Variants in SLC2A9 observed in about 807,000 individuals in gnomAD.
SLC2A9 encodes solute carrier family 2, facilitated glucose transporter member 9.
Under a neutral mutation model 50.6 loss-of-function variants are expected in SLC2A9, and 39 were observed. The observed-to-expected ratio is 0.77, with a 90% CI of 0.60 to 1.01. The LOEUF (loss-of-function observed/expected upper bound fraction) is 1.01, where lower values mean the gene tolerates loss of function less well. SLC2A9 is among the 50% of genes least tolerant of loss of function. The pLI is 0.00. For synonymous variants in SLC2A9, 324 were observed against 276.9 expected (o/e 1.17, Z -1.69); for missense variants, 686 against 677.6 (o/e 1.01, Z -0.14).
intron 8 of SLC2A9, among the ~76,000 whole-genome samples, chr4:9,892,654 C>A (rs191071035): frequency 4.0e-4 from 61 of 152,222 alleles, no homozygotes; most frequent in African/African-American, 1.2e-3. Flanking sequence ...TGAGATAAAG[C>A]GAAAGAACTC....
chr4:9,988,811 C>T (rs1275214392), intron 3 of SLC2A9, among the ~76,000 whole-genome samples: 3 of 152,170 alleles, frequency 2.0e-5, no homozygotes, highest in Non-Finnish European at 4.4e-5. Flanking sequence ...GGGCATGTCC[C>T]TTCAGAAGTG....
rs543245246 is a variant in SLC2A9 at position 9,931,575 on chromosome 4, G to A, written c.814+10338C>T. On this transcript the variant is annotated intron_variant, in intron 6 of 11. Coordinates refer to ENST00000264784, the MANE Select transcript of SLC2A9 (RefSeq NM_020041.3). ...GTGTTTCAGTCCACAGCTTCAGGGA[G>A]GTGAGGAAATGTGCCAGTGTTCGCC... is the stretch of plus-strand genomic sequence containing the variant. 2.6e-5 allele frequency among the ~76,000 whole-genome samples: 4 copies of A among 152,294 alleles called. No individual in the cohort carries two copies. The East Asian group carries it at 7.7e-4, about 29-fold the overall frequency.
At chr4:9,993,883 C>T (rs932417373) in intron 3 of SLC2A9, among the ~76,000 whole-genome samples, 1 of 152,224 alleles carries the variant, frequency 6.6e-6, no homozygotes, top group South Asian at 2.1e-4. Flanking sequence ...TCCTTTGTCA[C>T]CGAAATCACA....
chr4:9,989,883 G>A (rs1280931863), intron 3 of SLC2A9, among the ~76,000 whole-genome samples: 1 of 151,850 alleles, frequency 6.6e-6, no homozygotes, highest in Non-Finnish European at 1.5e-5. Context: ...TCCTCTGCTT[G>A]GAGAGCTATT....
chr4:9,998,222 T>TA (rs2109305531), intron 2 of SLC2A9, among the ~76,000 whole-genome samples: 1 of 152,304 alleles, frequency 6.6e-6, no homozygotes, highest in East Asian at 1.9e-4. Flanking sequence ...CCAAGGTACT[T>TA]AGAGTTCCCT....
At chr4:9,783,215 T>C (rs1342730036) in intron 3 of SLC2A9, 1 of 1,614,198 alleles carries the variant, frequency 6.2e-7, no homozygotes, top group South Asian at 1.1e-5. Flanking sequence ...GCTCATCTCC[T>C]ACAACCAAGA....
intron 8 of SLC2A9, among the ~76,000 whole-genome samples, chr4:9,894,841 T>A (rs548847937): frequency 6.6e-6 from 1 of 152,304 alleles, no homozygotes; most frequent in East Asian, 1.9e-4. Context: ...TGGAAGAGCA[T>A]CACAGTTGCT....
intron 10 of SLC2A9, among the ~76,000 whole-genome samples, chr4:9,862,085 T>G (rs950775880): frequency 6.6e-6 from 1 of 150,510 alleles, no homozygotes; most frequent in South Asian, 2.1e-4. Context: ...TAAAAAGAAG[T>G]AGATGCAGGA....
chr4:9,928,077 G>A (rs891982270), intron 6 of SLC2A9, among the ~76,000 whole-genome samples: 1 of 152,074 alleles, frequency 6.6e-6, no homozygotes, highest in African/African-American at 2.4e-5. Flanking sequence ...AGGAGTTCGA[G>A]GCCAGCCTCA....
chr4:9,896,891 G>C (rs953998359), intron 8 of SLC2A9, among the ~76,000 whole-genome samples: 2 of 152,156 alleles, frequency 1.3e-5, no homozygotes, highest in African/African-American at 2.4e-5. Context: ...CTGTTCCATT[G>C]ATCTGTGGGG....
At chr4:9,856,928 A>G (rs974009969) in intron 10 of SLC2A9, among the ~76,000 whole-genome samples, 9 of 152,186 alleles carry the variant, frequency 5.9e-5, no homozygotes, top group African/African-American at 2.2e-4. Context: ...ACACATGGAC[A>G]CAAGGGAACA....
intron 3 of SLC2A9, among the ~76,000 whole-genome samples, chr4:9,992,094 T>C (rs949419629): frequency 6.6e-6 from 1 of 152,218 alleles, no homozygotes; most frequent in Non-Finnish European, 1.5e-5. Flanking sequence ...GAGTGATGTA[T>C]GGGATGCCTG....
chr4:9,848,951 C>G (rs1729440128), intron 10 of SLC2A9, among the ~76,000 whole-genome samples: 1 of 152,208 alleles, frequency 6.6e-6, no homozygotes, highest in Non-Finnish European at 1.5e-5. Context: ...ATCCGCCTGC[C>G]TCGGCCTCCC....
intron 3 of SLC2A9, among the ~76,000 whole-genome samples, chr4:9,793,781 G>C (rs2108894523): frequency 6.6e-6 from 1 of 152,316 alleles, no homozygotes; most frequent in South Asian, 2.1e-4. Flanking sequence ...TTAAAAAATG[G>C]ACTGAAAACA....
intron 3 of SLC2A9, among the ~76,000 whole-genome samples, chr4:9,818,949 C>T (rs1330518447): frequency 2.0e-5 from 3 of 151,730 alleles, no homozygotes; most frequent in Admixed American, 6.6e-5. Flanking sequence ...AGTGAAACCC[C>T]GTCTCTACTA....
downstream of SLC2A9, among the ~76,000 whole-genome samples, chr4:9,824,789 A>AC (rs1724885433): frequency 1.3e-5 from 2 of 152,204 alleles, no homozygotes; most frequent in Admixed American, 1.3e-4. Context: ...AACACCAAAA[A>AC]GCTAAGACTT....
chr4:9,786,176 G>A (rs1719194133), intron 3 of SLC2A9, among the ~76,000 whole-genome samples: 1 of 152,220 alleles, frequency 6.6e-6, no homozygotes, highest in African/African-American at 2.4e-5. Context: ...CCCAGCCTGA[G>A]CTGGGTACAC....
At chr4:10,008,592 A>G (rs1250985263) in intron 2 of SLC2A9, among the ~76,000 whole-genome samples, 1 of 152,244 alleles carries the variant, frequency 6.6e-6, no homozygotes, top group Non-Finnish European at 1.5e-5. Context: ...GCTTACAAAT[A>G]AATAGTAAGC....
At chr4:9,823,990 G>A (rs1724757885), downstream of SLC2A9, among the ~76,000 whole-genome samples, 1 of 152,180 alleles carries the variant, frequency 6.6e-6, no homozygotes, top group African/African-American at 2.4e-5. Flanking sequence ...TAATGTGGCT[G>A]CTGTGGTTTG....
Sources: allele counts gnomAD v4.1 joint callset (sites outside exome capture counted in the v4.1 genomes callset), GRCh38; gene constraint gnomAD v4.1.1; transcripts MANE v1.5; gene names NCBI Gene and HGNC (gene_info 2026-07-23, HGNC 2026-07-21).